The following ABTB3 variants were observed in gnomAD, a reference collection of about 807,000 sequenced individuals.
The protein encoded by ABTB3 is ankyrin repeat and BTB domain containing 3, also known as ankyrin repeat- and BTB/POZ domain-containing protein 3.
At chr12:107,458,415 A>G in the ABTB3 span, among the ~76,000 whole-genome samples, 1 of 152,180 alleles carries the variant, frequency 6.6e-6, no homozygotes, top group South Asian at 2.1e-4. Flanking sequence ...TGCCAAGAGG[A>G]CTGGAGCCAG....
the ABTB3 span, among the ~76,000 whole-genome samples, chr12:107,406,198 G>A: frequency 1.3e-5 from 2 of 152,216 alleles, no homozygotes; most frequent in African/African-American, 4.8e-5. Context: ...CACATACGAA[G>A]TGCTTAGAAC....
the ABTB3 span, among the ~76,000 whole-genome samples, chr12:107,339,496 G>C: frequency 6.6e-6 from 1 of 152,138 alleles, no homozygotes; most frequent in South Asian, 2.1e-4. Flanking sequence ...CTCTGTTATG[G>C]ATCTTAATCA....
At chr12:107,418,672 T>G in the ABTB3 span, among the ~76,000 whole-genome samples, 153 of 152,220 alleles carry the variant, frequency 1.0e-3, no homozygotes, top group Non-Finnish European at 1.7e-3. Flanking sequence ...GAGAAGGGAG[T>G]TGGTCTGATA....
chr12:107,490,253 C>T, the ABTB3 span, among the ~76,000 whole-genome samples: 1 of 152,262 alleles, frequency 6.6e-6, no homozygotes, highest in South Asian at 2.1e-4. Context: ...TGCACTTGCA[C>T]ATAGTCCTGG....
chr12:107,522,063 C>G, the ABTB3 span, among the ~76,000 whole-genome samples: 315 of 151,904 alleles, frequency 2.1e-3, 2 homozygotes, highest in African/African-American at 7.1e-3. Context: ...GTCTCTCTTC[C>G]TGGCTTGCAG....
chr12:107,509,954 T>G, the ABTB3 span, among the ~76,000 whole-genome samples: 27,406 of 152,062 alleles, frequency 0.18, 3,080 homozygotes, highest in East Asian at 0.29. Context: ...ATCGACTCCC[T>G]TCTCTGTGCC....
the ABTB3 span, chr12:107,651,631 A>C: frequency 6.9e-7 from 1 of 1,443,028 alleles, no homozygotes; most frequent in Non-Finnish European, 9.7e-7. Flanking sequence ...CCTCCTTTCC[A>C]TCCACCTCCC....
At chr12:107,531,648 A>T in the ABTB3 span, among the ~76,000 whole-genome samples, 1 of 152,058 alleles carries the variant, frequency 6.6e-6, no homozygotes, top group South Asian at 2.1e-4. Context: ...CCCTCACAGG[A>T]CCCAAGCCTA....
the ABTB3 span, among the ~76,000 whole-genome samples, chr12:107,382,529 ACTTG>A: frequency 6.6e-6 from 1 of 152,156 alleles, no homozygotes; most frequent in African/African-American, 2.4e-5. Flanking sequence ...ACTTTGCTGA[ACTTG>A]CTTATCAGCT....
the ABTB3 span, among the ~76,000 whole-genome samples, chr12:107,415,654 T>G: frequency 4.6e-4 from 70 of 151,304 alleles, 1 homozygote; most frequent in Admixed American, 3.0e-3. Context: ...TTTGCAGTCA[T>G]CCGAGATCAC....
the ABTB3 span, among the ~76,000 whole-genome samples, chr12:107,482,965 TTTCTTTCTTTCTTTCTTTCTTTCCTTCC>T: frequency 0.019 from 1,506 of 79,902 alleles, 34 homozygotes; most frequent in African/African-American, 0.049. Context: ...TCTTTCTTTC[TTTCTTTCTTTCTTTCTTTCTTTCCTTCC>T]TTCCTTCCTT....
At chr12:107,456,237 T>C in the ABTB3 span, among the ~76,000 whole-genome samples, 1 of 152,246 alleles carries the variant, frequency 6.6e-6, no homozygotes. Flanking sequence ...AAAGGTTATG[T>C]AACTCAGGGG....
the ABTB3 span, among the ~76,000 whole-genome samples, chr12:107,543,383 T>C: frequency 7.0e-6 from 1 of 142,788 alleles, no homozygotes; most frequent in African/African-American, 2.6e-5. Context: ...AAAAGTACAG[T>C]GTGATAACCC....
chr12:107,427,767 A>T, the ABTB3 span, among the ~76,000 whole-genome samples: 1 of 152,180 alleles, frequency 6.6e-6, no homozygotes, highest in East Asian at 1.9e-4. Context: ...TTAGAAATCT[A>T]TGATGGTTCT....
At chr12:107,610,997 G>T in the ABTB3 span, among the ~76,000 whole-genome samples, 84 of 152,248 alleles carry the variant, frequency 5.5e-4, no homozygotes, top group Non-Finnish European at 7.4e-5. Flanking sequence ...TTCTCACATG[G>T]CAGCTCATGC....
At chr12:107,415,505 G>A in the ABTB3 span, among the ~76,000 whole-genome samples, 3 of 151,870 alleles carry the variant, frequency 2.0e-5, no homozygotes, top group Non-Finnish European at 2.9e-5. Flanking sequence ...TCAGGAGATC[G>A]AGACCATCCT....
the ABTB3 span, chr12:107,649,284 C>A: frequency 6.2e-7 from 1 of 1,610,894 alleles, no homozygotes; most frequent in East Asian, 2.2e-5. Flanking sequence ...GGTAAGGGAT[C>A]CATTGTGGTG....
At chr12:107,605,582 A>G in the ABTB3 span, among the ~76,000 whole-genome samples, 1 of 152,216 alleles carries the variant, frequency 6.6e-6, no homozygotes, top group East Asian at 1.9e-4. Flanking sequence ...GGGAGCCTGT[A>G]GAGCTCAGCA....
the ABTB3 span, among the ~76,000 whole-genome samples, chr12:107,472,433 A>G: frequency 6.6e-6 from 1 of 152,204 alleles, no homozygotes; most frequent in Non-Finnish European, 1.5e-5. Flanking sequence ...GAGAGGGTCA[A>G]AAACATGGAC....
Sources: allele counts gnomAD v4.1 joint callset (sites outside exome capture counted in the v4.1 genomes callset), GRCh38; gene constraint gnomAD v4.1.1; transcripts MANE v1.5; gene names NCBI Gene and HGNC (gene_info 2026-07-23, HGNC 2026-07-21).